Variants in ADGRV1 observed in about 807,000 individuals in gnomAD.
The protein encoded by ADGRV1 is adhesion G protein-coupled receptor V1.
Under a neutral mutation model 596.2 loss-of-function variants are expected in ADGRV1, and 359 were observed. The ratio of observed to expected loss-of-function variants is 0.60; its 90% confidence interval spans 0.55 to 0.66. The LOEUF is 0.66. Ranked by LOEUF, ADGRV1 falls within the 30% of genes least tolerant of loss-of-function variation. The probability of loss-of-function intolerance (pLI) is 0.00; values close to 1 mark genes in which losing one functional copy is unlikely to be tolerated. For missense variants in ADGRV1, 7,274 were observed against 7,575.6 expected (o/e 0.96, Z 1.48); for synonymous variants, 2,681 against 2,679.2 (o/e 1.00, Z -0.02).
intron 83 of ADGRV1, among the ~76,000 whole-genome samples, chr5:90,901,293 T>A (rs1771814911): frequency 6.6e-6 from 1 of 152,190 alleles, no homozygotes; most frequent in Non-Finnish European, 1.5e-5. Context: ...TCAAGCCAGA[T>A]TCATCTTAGT....
At chr5:90,949,026 A>G (rs1179942631) in intron 83 of ADGRV1, among the ~76,000 whole-genome samples, 1 of 152,156 alleles carries the variant, frequency 6.6e-6, no homozygotes, top group African/African-American at 2.4e-5. Context: ...TCCTGTATTC[A>G]TTCAATGGAA....
intron 83 of ADGRV1, among the ~76,000 whole-genome samples, chr5:90,905,077 A>G (rs544198652): frequency 5.9e-5 from 9 of 152,030 alleles, no homozygotes; most frequent in African/African-American, 2.2e-4. Context: ...TGGCCTCTCT[A>G]TTCTGTTCCA....
chr5:90,887,502 C>A (rs1770420632), intron 83 of ADGRV1, among the ~76,000 whole-genome samples: 1 of 152,102 alleles, frequency 6.6e-6, no homozygotes, highest in Non-Finnish European at 1.5e-5. Flanking sequence ...AGGGCAAAAA[C>A]CATGGCTGTT....
At chr5:91,092,239 A>T (rs561561096) in intron 86 of ADGRV1, among the ~76,000 whole-genome samples, 16 of 152,256 alleles carry the variant, frequency 1.1e-4, no homozygotes, top group African/African-American at 3.6e-4. Flanking sequence ...AGCTGGGATT[A>T]CAGGTGCCTG....
chr5:91,047,047 A>G (rs904875870), intron 85 of ADGRV1, among the ~76,000 whole-genome samples: 3 of 152,150 alleles, frequency 2.0e-5, no homozygotes, highest in Non-Finnish European at 4.4e-5. Context: ...GTGAACAGGA[A>G]CACTTCTAAA....
intron 58 of ADGRV1, chr5:90,762,958 C>T: frequency 5.8e-6 from 1 of 171,170 alleles, no homozygotes; most frequent in Non-Finnish European, 1.3e-5. Context: ...CCTGGGCCTC[C>T]TCTCTATTCA....
chr5:90,832,454 ATT>A (rs1764602310), intron 77 of ADGRV1, among the ~76,000 whole-genome samples: 1 of 151,904 alleles, frequency 6.6e-6, no homozygotes, highest in African/African-American at 2.4e-5. Flanking sequence ...GGATTATTAC[ATT>A]TTTACTCATA....
rs727504665 is a variant in ADGRV1 at position 90,619,153 on chromosome 5, A to G, written c.425A>G (p.Asn142Ser). 6.8e-7 allele frequency: 1 copy of G among 1,480,612 alleles called. No homozygotes were observed. Among genetic ancestry groups the G allele is most frequent in the South Asian group, 1.5e-5 (1 of 67,196 alleles). The allele number at this position is 1,480,612 out of a possible 1,614,324, so 91.7% of individuals were successfully genotyped here. Residue 142 changes from asparagine (N) to serine (S), a missense_variant, in exon 4 of 90, where the codon AAT (asparagine) becomes AGT (serine). Coordinates refer to ENST00000405460, the MANE Select transcript of ADGRV1 (RefSeq NM_032119.4). ...TVTVTILSND[N>S]AFGIISFNML... The stretch of plus-strand genomic sequence containing the variant: ...ACTGTGACAATATTATCAAATGACA[A>G]TGCATTTGGAATTATTTCATTTAAT...
intron 34 of ADGRV1, among the ~76,000 whole-genome samples, chr5:90,698,821 G>A (rs553599914): frequency 6.6e-6 from 1 of 152,178 alleles, no homozygotes; most frequent in African/African-American, 2.4e-5. Context: ...TGCTGGAGAG[G>A]CAGGGAGAAA....
At chr5:90,779,843 C>T (rs1758649383) in intron 64 of ADGRV1, 1 of 152,066 alleles carries the variant, frequency 6.6e-6, no homozygotes, top group African/African-American at 2.4e-5. Context: ...AGACATTTTT[C>T]TTGTGCATGA....
At position 90,773,523 on chromosome 5, in the gene ADGRV1, G is replaced by A. The variant is rs569832757; in HGVS notation, c.12286-663G>A. Among the ~76,000 whole-genome samples the A allele has an allele frequency of 1.7e-4, 26 of 152,202 alleles. No individual in the cohort carries two copies. In the South Asian group the frequency reaches 5.4e-3, roughly 32 times the overall value. On this transcript the variant is annotated intron_variant, in intron 59 of 89. Transcript: ENST00000405460. ...TGAGAAAGAAGTATAAAATACCTAG[G>A]AATAGATTCAGCAAGAAACAAGTGG...
rs375909973 is a variant in ADGRV1 at position 90,783,301 on chromosome 5, T to A, written c.13409T>A (p.Ile4470Asn). 5.0e-6 allele frequency: 8 copies of A among 1,611,620 alleles called. No homozygotes were observed. The highest frequency in any genetic ancestry group is 1.3e-5 in the African/African-American group (1 of 74,862). The change falls in exon 66 of 90, where the codon ATC becomes AAC. Residue 4470 changes from isoleucine (I) to asparagine (N), a missense_variant. By Grantham distance (149) the Ile-to-Asn change is moderately radical (BLOSUM62 -3). Around this residue, in one of 5 missense-constraint regions of ADGRV1, gnomAD observed 3,643 missense variants for 3,809.2 expected, o/e 0.96. Coordinates refer to ENST00000405460, the MANE Select transcript of ADGRV1 (RefSeq NM_032119.4). ...GGGCAAAACTTAAGTTTTATAAATA[T>A]CTCCATCATTGATGACAATGAAAGG... is the stretch of plus-strand genomic sequence containing the variant. ...QHGQNLSFIN[I>N]SIIDDNESEF...
At chr5:90,803,535 G>A (rs868679756) in intron 71 of ADGRV1, among the ~76,000 whole-genome samples, 5 of 152,062 alleles carry the variant, frequency 3.3e-5, no homozygotes, top group South Asian at 2.1e-4. Flanking sequence ...AAGTGACTCG[G>A]GCAAGCCTGG....
At chr5:90,716,225 A>T (rs572639494) in intron 42 of ADGRV1, among the ~76,000 whole-genome samples, 4 of 152,306 alleles carry the variant, frequency 2.6e-5, no homozygotes, top group African/African-American at 9.6e-5. Context: ...CTTCTGAGAG[A>T]TACTGCTTCA....
At chr5:90,917,618 G>A (rs1773498055) in intron 83 of ADGRV1, among the ~76,000 whole-genome samples, 1 of 152,134 alleles carries the variant, frequency 6.6e-6, no homozygotes, top group South Asian at 2.1e-4. Context: ...TCAGTTTCCT[G>A]TATAATTGAG....
chr5:90,654,395 G>A (rs1040179056), intron 20 of ADGRV1: 8 of 193,588 alleles, frequency 4.1e-5, no homozygotes, highest in South Asian at 1.9e-4. Flanking sequence ...GGTGGTGGGC[G>A]TGAGGTTGAA....
At chr5:90,760,328 T>C (rs193275101) in intron 58 of ADGRV1, among the ~76,000 whole-genome samples, 1 of 150,744 alleles carries the variant, frequency 6.6e-6, no homozygotes, top group East Asian at 2.0e-4. Context: ...CATGTATGAG[T>C]CTCTTCTCAA....
At chr5:90,872,653 T>G (rs1768806400) in intron 83 of ADGRV1, among the ~76,000 whole-genome samples, 1 of 152,168 alleles carries the variant, frequency 6.6e-6, no homozygotes, top group African/African-American at 2.4e-5. Context: ...AGTATATGTA[T>G]TATTGCCTCT....
chr5:90,781,882 T>C (rs1418879315), intron 65 of ADGRV1, among the ~76,000 whole-genome samples: 1 of 152,182 alleles, frequency 6.6e-6, no homozygotes, highest in Non-Finnish European at 1.5e-5. Context: ...AATTTGTGCA[T>C]ATTTAATTTC....
Sources: allele counts gnomAD v4.1 joint callset (sites outside exome capture counted in the v4.1 genomes callset), GRCh38; gene constraint gnomAD v4.1.1; regional missense constraint gnomAD v4.1.1; transcripts MANE v1.5; gene names NCBI Gene and HGNC (gene_info 2026-07-23, HGNC 2026-07-21).